The following SLC9A9 variants were observed in gnomAD, a reference collection of about 807,000 sequenced individuals.
SLC9A9 encodes sodium/hydrogen exchanger 9.
SLC9A9 carries 62 observed loss-of-function variants against 77.8 expected under a neutral mutation model. The ratio of observed to expected loss-of-function variants is 0.80; its 90% CI spans 0.65 to 0.98. SLC9A9 has a LOEUF of 0.98. Among genes scored for constraint, SLC9A9 ranks in the 50% least tolerant of loss-of-function variants. The probability of loss-of-function intolerance (pLI) is 0.00; values close to 1 mark genes in which losing one functional copy is unlikely to be tolerated. For synonymous variants in SLC9A9, 320 were observed against 283.5 expected, an observed-to-expected ratio of 1.13 and a Z score of -1.29; for missense variants, 775 against 774.9, an observed-to-expected ratio of 1.00 and a Z score of 0.00.
intron 13 of SLC9A9, 87 bp from the exon 14 acceptor site, chr3:143,363,650 A>G: frequency 1.6e-6 from 2 of 1,240,740 alleles, no homozygotes; most frequent in Non-Finnish European, 2.3e-6. Context: ...GTTAAATTTA[A>G]CTACATTTAA....
At chr3:143,788,418 T>A (rs1377081835) in intron 4 of SLC9A9, among the ~76,000 whole-genome samples, 1 of 152,086 alleles carries the variant, frequency 6.6e-6, no homozygotes, top group Non-Finnish European at 1.5e-5. Context: ...GAACTGGGCA[T>A]GGTGGCTCAC....
At chr3:143,796,254 C>T (rs2008382002) in intron 3 of SLC9A9, among the ~76,000 whole-genome samples, 1 of 152,150 alleles carries the variant, frequency 6.6e-6, no homozygotes, top group African/African-American at 2.4e-5. Flanking sequence ...CTATGAGCAT[C>T]AACAGTAGTC....
In SLC9A9 at chr3:143,665,761, A is replaced by G. The variant is rs532000104; in HGVS notation, c.650-13401T>C. On this transcript the variant is annotated intron_variant, in intron 5 of 15. Coordinates refer to ENST00000316549, the MANE Select transcript of SLC9A9 (RefSeq NM_173653.4). ...AATGGATAAATTCCTGGACACATAC[A>G]CTCTCTCAAGACTAAACCAGGAAGA... Among the ~76,000 whole-genome samples, 79 of 152,296 alleles carry G rather than the reference A, an allele frequency of 5.2e-4. 1 individual carries two copies. The Middle Eastern group carries it at 0.014, about 26-fold the overall frequency.
At chr3:143,469,838 C>T (rs997451738) in intron 11 of SLC9A9, among the ~76,000 whole-genome samples, 3 of 151,952 alleles carry the variant, frequency 2.0e-5, no homozygotes, top group African/African-American at 7.3e-5. Context: ...TGGAAATGGC[C>T]TATAGATAAG....
chr3:143,848,390 A>G lies in SLC9A9; in HGVS notation c.-68T>C. On this transcript the variant is annotated 5_prime_UTR_variant, in exon 1 of 16. Transcript: ENST00000316549. ...AGGCTATTTTATCAAGATTTGCCTA[A>G]GACAGTCTGACTGCCTGAGAATTTC... The G allele has an allele frequency of 6.2e-7, 1 of 1,604,570 alleles. No homozygotes were observed. Among genetic ancestry groups the G allele is most frequent in the Non-Finnish European group, 8.5e-7 (1 of 1,172,190 alleles).
chr3:143,475,267 G>A (rs903997637), intron 11 of SLC9A9, among the ~76,000 whole-genome samples: 9 of 151,498 alleles, frequency 5.9e-5, no homozygotes, highest in South Asian at 2.1e-4. Flanking sequence ...GTGCCTGGCC[G>A]TTTGTTTTTC....
intron 11 of SLC9A9, among the ~76,000 whole-genome samples, chr3:143,473,116 A>G (rs2108573985): frequency 6.6e-6 from 1 of 152,258 alleles, no homozygotes; most frequent in African/African-American, 2.4e-5. Context: ...GCAGAGGACG[A>G]GGTATATGAG....
intron 9 of SLC9A9, among the ~76,000 whole-genome samples, chr3:143,523,105 A>G (rs577874051): frequency 2.2e-4 from 33 of 152,274 alleles, no homozygotes; most frequent in Non-Finnish European, 4.0e-4. Context: ...ATAATTAATG[A>G]GCTGTCAGGG....
intron 14 of SLC9A9, among the ~76,000 whole-genome samples, chr3:143,348,909 C>G (rs926574225): frequency 4.6e-5 from 7 of 152,310 alleles, no homozygotes; most frequent in Middle Eastern, 3.4e-3. Flanking sequence ...CTGGTTCAAG[C>G]TCATGCAGCC....
intron 14 of SLC9A9, among the ~76,000 whole-genome samples, chr3:143,354,649 T>C (rs1173015898): frequency 6.6e-6 from 1 of 152,222 alleles, no homozygotes; most frequent in Non-Finnish European, 1.5e-5. Context: ...CAAGTAATGA[T>C]TAAAGAACAT....
At chr3:143,762,484 G>A (rs1178746906) in intron 4 of SLC9A9, among the ~76,000 whole-genome samples, 3 of 152,010 alleles carry the variant, frequency 2.0e-5, no homozygotes, top group African/African-American at 7.3e-5. Flanking sequence ...AATTAAAATA[G>A]CCCCTGATGG....
intron 2 of SLC9A9, among the ~76,000 whole-genome samples, chr3:143,809,760 T>C (rs1357203040): frequency 1.3e-5 from 2 of 152,210 alleles, no homozygotes; most frequent in African/African-American, 4.8e-5. Context: ...CTTTTTGTGA[T>C]GGTGGAAATG....
intron 5 of SLC9A9, among the ~76,000 whole-genome samples, chr3:143,689,830 T>G (rs1933400114): frequency 6.6e-6 from 1 of 152,160 alleles, no homozygotes; most frequent in South Asian, 2.1e-4. Flanking sequence ...TTTGTGTATT[T>G]GCTTAAATTT....
chr3:143,662,788 C>T (rs1009074448), intron 5 of SLC9A9, among the ~76,000 whole-genome samples: 1 of 152,034 alleles, frequency 6.6e-6, no homozygotes, highest in African/African-American at 2.4e-5. Flanking sequence ...ACTAGGTAAA[C>T]AAAGCAGCTG....
At chr3:143,268,397 T>C (rs977783956) in intron 15 of SLC9A9, among the ~76,000 whole-genome samples, 1 of 152,122 alleles carries the variant, frequency 6.6e-6, no homozygotes, top group African/African-American at 2.4e-5. Context: ...CAGCAACAAT[T>C]GACAAGAGAA....
intron 12 of SLC9A9, among the ~76,000 whole-genome samples, chr3:143,447,023 C>A (rs1459648478): frequency 6.6e-6 from 1 of 152,160 alleles, no homozygotes; most frequent in African/African-American, 2.4e-5. Context: ...CAATATTCTG[C>A]CTTCCTGTTT....
intron 14 of SLC9A9, among the ~76,000 whole-genome samples, chr3:143,359,845 G>T (rs2032695241): frequency 6.6e-6 from 1 of 152,158 alleles, no homozygotes; most frequent in African/African-American, 2.4e-5. Context: ...AAGAGTTGAG[G>T]ATCTGATTCA....
intron 8 of SLC9A9, among the ~76,000 whole-genome samples, chr3:143,560,835 A>G (rs1400881345): frequency 6.6e-6 from 1 of 152,210 alleles, no homozygotes; most frequent in Non-Finnish European, 1.5e-5. Context: ...AAAAAAGCAT[A>G]GGCTAAATAA....
At chr3:143,336,722 T>C (rs1354295239) in intron 14 of SLC9A9, among the ~76,000 whole-genome samples, 1 of 152,092 alleles carries the variant, frequency 6.6e-6, no homozygotes, top group East Asian at 1.9e-4. Context: ...AGGTTGGTGG[T>C]TGCCAGGGGT....
Sources: gnomAD v4.1 joint callset for allele counts (sites outside exome capture counted in the v4.1 genomes callset) on GRCh38, gnomAD v4.1.1 for gene constraint, MANE v1.5 for transcripts, NCBI Gene and HGNC (gene_info 2026-07-23, HGNC 2026-07-21) for gene names.